HERC3: variants seen among roughly 807,000 people sequenced by gnomAD.
HERC3 encodes HECT and RLD domain containing E3 ubiquitin protein ligase 3.
In HERC3, 58 loss-of-function variants were observed where a neutral mutation model predicts 129.9. That is an observed-to-expected ratio of 0.45 (90% CI 0.36 to 0.56). HERC3 has a LOEUF of 0.56. Ranked by LOEUF, HERC3 falls within the 20% of genes least tolerant of loss-of-function variation. The probability of loss-of-function intolerance (pLI) is 0.00; values close to 1 mark genes in which losing one functional copy is unlikely to be tolerated. For synonymous variants in HERC3, 430 were observed against 451.0 expected (o/e 0.95, Z 0.59); for missense variants, 835 against 1,244.2 (o/e 0.67, Z 4.95).
chr4:88,660,896 C>T (rs918975109), intron 10 of HERC3, among the ~76,000 whole-genome samples: 4 of 152,104 alleles, frequency 2.6e-5, no homozygotes, highest in Admixed American at 1.3e-4. Flanking sequence ...GATTATTGAA[C>T]GCTCCCATGG....
chr4:88,682,511 C>T (rs975703078), intron 21 of HERC3, among the ~76,000 whole-genome samples: 38 of 140,930 alleles, frequency 2.7e-4, no homozygotes, highest in Non-Finnish European at 3.7e-4. Context: ...TGTGATGTTC[C>T]GCTTCCTGTG....
chr4:88,693,187 C>CT (rs1734249808), intron 23 of HERC3: 3 of 983,262 alleles, frequency 3.1e-6, no homozygotes, highest in Non-Finnish European at 3.6e-6. Flanking sequence ...TTTTATTCCT[C>CT]TTTTTTCTCT....
chr4:88,689,144 G>T (rs1402647844), intron 23 of HERC3, among the ~76,000 whole-genome samples: 1 of 152,112 alleles, frequency 6.6e-6, no homozygotes, highest in Non-Finnish European at 1.5e-5. Context: ...GATGCAATTG[G>T]AGATCCTATT....
At chr4:88,633,374 AT>A (rs1431839482) in intron 3 of HERC3, among the ~76,000 whole-genome samples, 2 of 152,216 alleles carry the variant, frequency 1.3e-5, no homozygotes, top group Admixed American at 1.3e-4. Flanking sequence ...TTCAAAGCAT[AT>A]TTAAGATTAC....
intron 13 of HERC3, 134 bp from the exon 14 acceptor site, chr4:88,667,758 A>C (rs759405846): frequency 5.8e-6 from 4 of 694,130 alleles, no homozygotes; most frequent in Non-Finnish European, 9.8e-6. Context: ...GACCAGTGTC[A>C]GGCTCATAGT....
rs187758449 is a variant in HERC3 at position 88,624,529 on chromosome 4, C to T, written c.226+18480C>T. ...TGCCATTTGGGTATCTTATCTTTTG[C>T]AGAGTGTATGTTCAAATATATGTCC... On this transcript the variant is annotated intron_variant, in intron 3 of 25. Coordinates refer to ENST00000402738, the MANE Select transcript of HERC3 (RefSeq NM_014606.3). 2.0e-3 allele frequency among the ~76,000 whole-genome samples: 305 copies of T among 152,252 alleles called. 2 individuals are homozygous for T. Among genetic ancestry groups the T allele is most frequent in the African/African-American group, 7.0e-3 (289 of 41,536 alleles).
intron 21 of HERC3, 22 bp downstream of exon 21, chr4:88,681,347 G>C (rs759187365): frequency 8.1e-6 from 13 of 1,597,310 alleles, no homozygotes; most frequent in South Asian, 1.1e-5. Flanking sequence ...AAAGGCGATT[G>C]GTATCTGAAA....
At chr4:88,530,297 A>G in the HERC3 span, among the ~76,000 whole-genome samples, 1 of 148,890 alleles carries the variant, frequency 6.7e-6, no homozygotes, top group Non-Finnish European at 1.5e-5. Context: ...CTCCAAAAGA[A>G]AAAAAAAAAA....
rs79339754 is a variant in HERC3, at chr4:88,704,062, T to G, written c.2658-36T>G. 2,800 of 1,588,294 alleles carry G rather than the reference T, an allele frequency of 1.8e-3. 31 individuals are homozygous for G. The African/African-American group carries it at 0.025, about 14-fold the overall frequency. ...GGTAACTTCATAAGCTTTACAAGAC[T>G]TTGAGCTAAATGTATTTTCTTTTGT... On this transcript the variant is annotated intron_variant, in intron 23 of 25. Coordinates refer to ENST00000402738, the MANE Select transcript of HERC3 (RefSeq NM_014606.3).
At chr4:88,542,650 A>G in the HERC3 span, among the ~76,000 whole-genome samples, 1 of 152,188 alleles carries the variant, frequency 6.6e-6, no homozygotes, top group Non-Finnish European at 1.5e-5. Flanking sequence ...AGAATTTTAC[A>G]CCAATATTGC....
Position 88,704,601 on chromosome 4 carries a change from A to G in HERC3, c.2935A>G (p.Lys979Glu). The G allele has an allele frequency of 1.3e-6, 2 of 1,577,412 alleles. No individual in the cohort carries two copies. Among genetic ancestry groups the G allele is most frequent in the Non-Finnish European group, 1.7e-6 (2 of 1,146,670 alleles). ...TGAGTTTCCATTGGAAAAGAAGAAGAAGTTTCTCTGTAAGTATCAGTAATC... is the reference window on the plus strand; with the variant it reads ...TGAGTTTCCATTGGAAAAGAAGAAGGAGTTTCTCTGTAAGTATCAGTAATC... ...FHEFPLEKKK[K>E]FLLFLTGSDR... The change falls in exon 25 of 26, where the codon AAG becomes GAG. Residue 979 changes from lysine (K) to glutamate (E), a missense_variant. Coordinates refer to ENST00000402738, the MANE Select transcript of HERC3 (RefSeq NM_014606.3).
At chr4:88,693,781 AGAG>A in intron 23 of HERC3, 1 of 624,404 alleles carries the variant, frequency 1.6e-6, no homozygotes. Flanking sequence ...CGTAATACTC[AGAG>A]AGTTGGTTGA....
chr4:88,600,674 A>C (rs1181256622), intron 2 of HERC3, among the ~76,000 whole-genome samples: 1 of 152,184 alleles, frequency 6.6e-6, no homozygotes, highest in Non-Finnish European at 1.5e-5. Flanking sequence ...TCTGGATATT[A>C]CTTTAGCTCT....
the HERC3 span, among the ~76,000 whole-genome samples, chr4:88,526,951 C>T: frequency 6.6e-6 from 1 of 151,896 alleles, no homozygotes; most frequent in African/African-American, 2.4e-5. Flanking sequence ...GAAAAATTCG[C>T]AAAAAAGAAA....
intron 21 of HERC3, among the ~76,000 whole-genome samples, chr4:88,684,651 C>T (rs1340567853): frequency 4.6e-5 from 7 of 152,118 alleles, no homozygotes; most frequent in Non-Finnish European, 1.5e-5. Context: ...AGAGCTTCTG[C>T]ACAGCAAAAG....
intron 3 of HERC3, among the ~76,000 whole-genome samples, chr4:88,628,320 G>A (rs534679353): frequency 1.3e-5 from 2 of 152,200 alleles, no homozygotes; most frequent in South Asian, 2.1e-4. Context: ...AGTAATATTC[G>A]ATGTTTTGAA....
At chr4:88,621,632 A>G (rs1438766429) in intron 3 of HERC3, among the ~76,000 whole-genome samples, 1 of 152,214 alleles carries the variant, frequency 6.6e-6, no homozygotes, top group East Asian at 1.9e-4. Context: ...GATGGCCTGT[A>G]GTGATCTGCA....
At chr4:88,577,186 A>T in the HERC3 span, among the ~76,000 whole-genome samples, 34 of 152,316 alleles carry the variant, frequency 2.2e-4, no homozygotes, top group South Asian at 1.9e-3. Flanking sequence ...ATGTAGAGAA[A>T]ATAGGCCTCT....
intron 14 of HERC3, 39 bp downstream of exon 14, chr4:88,668,120 A>G (rs1731236976): frequency 1.3e-6 from 2 of 1,527,624 alleles, no homozygotes; most frequent in Non-Finnish European, 1.8e-6. Context: ...TTTTATGGTC[A>G]TTTGTTTTGT....
Sources: gnomAD v4.1 joint callset for allele counts (sites outside exome capture counted in the v4.1 genomes callset) on GRCh38, gnomAD v4.1.1 for gene constraint, MANE v1.5 for transcripts, NCBI Gene and HGNC (gene_info 2026-07-23, HGNC 2026-07-21) for gene names.